Variants in SLC49A4 observed in about 807,000 individuals in gnomAD.
SLC49A4 encodes the protein disrupted in renal cancer protein 2.
In SLC49A4, 36 loss-of-function variants were observed where a neutral mutation model predicts 50.6. That is an observed-to-expected ratio of 0.71 (90% CI 0.55 to 0.94). The LOEUF (loss-of-function observed/expected upper bound fraction) is 0.94, where lower values mean the gene tolerates loss of function less well. Ranked by LOEUF, SLC49A4 falls within the 40% of genes least tolerant of loss-of-function variation. SLC49A4 has a pLI of 0.00. For synonymous variants in SLC49A4, 248 were observed against 241.2 expected (o/e 1.03, Z -0.26); for missense variants, 503 against 605.7 (o/e 0.83, Z 1.78).
At chr3:122,871,238 A>G (rs566729024) in intron 7 of SLC49A4, among the ~76,000 whole-genome samples, 1 of 152,318 alleles carries the variant, frequency 6.6e-6, no homozygotes, top group East Asian at 1.9e-4. Context: ...AATATACTAA[A>G]TATTTTATAA....
chr3:122,879,530 A>G lies in SLC49A4; in HGVS notation c.*152A>G, dbSNP rs144223930. On this transcript the variant is annotated 3_prime_UTR_variant, in exon 9 of 9. Coordinates refer to ENST00000261038, the MANE Select transcript of SLC49A4 (RefSeq NM_032839.3). Reference sequence around the variant, plus strand: ...AGGTTACAGATTATCACATTAATTTAATTACTACTAGGTAATAATAATGGG... The same window carrying G: ...AGGTTACAGATTATCACATTAATTTGATTACTACTAGGTAATAATAATGGG... 1.7e-4 allele frequency: 101 copies of G among 609,814 alleles called. 2 individuals carry two copies. In the Middle Eastern group the frequency reaches 2.3e-3, roughly 14 times the overall value. The allele number at this position is 609,814 out of a possible 1,614,324, so 37.8% of individuals were successfully genotyped here.
chr3:122,862,033 A>G (rs897749539), intron 7 of SLC49A4, among the ~76,000 whole-genome samples: 11 of 152,360 alleles, frequency 7.2e-5, no homozygotes, highest in African/African-American at 2.6e-4. Flanking sequence ...AGTGTGGAAC[A>G]CAAAATGAGG....
chr3:122,803,439 A>C (rs1936162953), intron 1 of SLC49A4, among the ~76,000 whole-genome samples: 1 of 152,250 alleles, frequency 6.6e-6, no homozygotes, highest in Admixed American at 6.5e-5. Context: ...GTATAAAGCC[A>C]TATCAGGATA....
At position 122,795,288 on chromosome 3, in the gene SLC49A4, GGCGGCGGCGGCGCTGCCC is replaced by G. The variant is rs1411705500; in HGVS notation, c.104_121del (p.Ala35_Ala40del). 12 of 1,421,264 alleles carry G rather than the reference GGCGGCGGCGGCGCTGCCC, an allele frequency of 8.4e-6. No individual in the cohort carries two copies. Among genetic ancestry groups the G allele is most frequent in the Non-Finnish European group, 1.1e-5 (12 of 1,100,636 alleles). 88.0% of individuals were successfully genotyped at this position (1,421,264 alleles called of 1,614,324 possible). A position where few individuals can be genotyped will look rare whatever the true frequency, so the allele number is the denominator to read the frequency against. On this transcript the variant is annotated inframe_deletion, in exon 1 of 9. Coordinates refer to ENST00000261038, the MANE Select transcript of SLC49A4 (RefSeq NM_032839.3). ...GGGCCTCCTGGAGAAGCCGGGAGGC[GGCGGCGGCGGCGCTGCCC>G]GCGGCGGTCCCGGGTCCCGGGCGGG... is the stretch of plus-strand genomic sequence containing the variant.
At chr3:122,806,733 G>C in intron 1 of SLC49A4, 124 bp from the exon 2 acceptor site, 2 of 550,868 alleles carry the variant, frequency 3.6e-6, no homozygotes, top group Non-Finnish European at 6.5e-6. Flanking sequence ...CATTTTTAAA[G>C]TTATACAGAA....
At chr3:122,842,618 T>C (rs1432309403) in intron 4 of SLC49A4, among the ~76,000 whole-genome samples, 1 of 151,876 alleles carries the variant, frequency 6.6e-6, no homozygotes, top group Non-Finnish European at 1.5e-5. Flanking sequence ...CGTGAGTCAC[T>C]GAAGGATTTT....
At chr3:122,853,259 C>T (rs529110382) in intron 5 of SLC49A4, among the ~76,000 whole-genome samples, 16 of 152,288 alleles carry the variant, frequency 1.1e-4, no homozygotes, top group Non-Finnish European at 2.1e-4. Flanking sequence ...TTAATTACTT[C>T]CTAAAGGCCC....
chr3:122,813,479 C>CT (rs1185857159), intron 2 of SLC49A4, among the ~76,000 whole-genome samples: 9 of 152,128 alleles, frequency 5.9e-5, no homozygotes, highest in Non-Finnish European at 1.0e-4. Flanking sequence ...TCAGCCCAGA[C>CT]TCCAGAAGTC....
At chr3:122,873,112 GT>G (rs1937216827) in intron 8 of SLC49A4, among the ~76,000 whole-genome samples, 1 of 152,136 alleles carries the variant, frequency 6.6e-6, no homozygotes, top group Non-Finnish European at 1.5e-5. Context: ...GTTTATAGGA[GT>G]GTTTCTGACA....
rs1376301593 is a variant in SLC49A4 at position 122,795,409 on chromosome 3, G to GGTCC, written c.218_221dup (p.Ile75SerfsTer71). Reference sequence around the variant, plus strand: ...TCAGGGCCTGGTCTGGAACACCTGGGGTCCCATCCAGAACTCGGCGCGCCA... The same window carrying GGTCC: ...TCAGGGCCTGGTCTGGAACACCTGGGGTCCGTCCCATCCAGAACTCGGCGCGCCA... On this transcript the variant is annotated frameshift_variant, in exon 1 of 9. Coordinates refer to ENST00000261038, the MANE Select transcript of SLC49A4 (RefSeq NM_032839.3). LOFTEE classifies it high-confidence loss of function. 11 of 1,607,446 alleles carry GGTCC rather than the reference G, an allele frequency of 6.8e-6. No homozygotes were observed. Among genetic ancestry groups the GGTCC allele is most frequent in the Non-Finnish European group, 8.5e-6 (10 of 1,178,874 alleles).
At chr3:122,866,052 GA>G (rs1937114877) in intron 7 of SLC49A4, among the ~76,000 whole-genome samples, 3 of 151,698 alleles carry the variant, frequency 2.0e-5, no homozygotes, top group Non-Finnish European at 1.5e-5. Flanking sequence ...TTTTTCTTCT[GA>G]AACAGTCTCA....
At chr3:122,859,033 A>G (rs1241192756) in intron 6 of SLC49A4, among the ~76,000 whole-genome samples, 2 of 152,364 alleles carry the variant, frequency 1.3e-5, no homozygotes, top group Non-Finnish European at 1.5e-5. Context: ...GAAGTTTACA[A>G]TCTGGTAGGG....
chr3:122,833,940 A>G (rs1373643364), intron 4 of SLC49A4, among the ~76,000 whole-genome samples: 6 of 152,180 alleles, frequency 3.9e-5, no homozygotes, highest in South Asian at 4.1e-4. Context: ...GAGCAGTAGG[A>G]TCATACTTTA....
At chr3:122,868,338 A>C (rs16833607) in intron 7 of SLC49A4, among the ~76,000 whole-genome samples, 2,902 of 152,250 alleles carry the variant, frequency 0.019, 70 homozygotes, top group African/African-American at 0.066. Context: ...TATTAGAAAA[A>C]AAACTGCATC....
intron 2 of SLC49A4, among the ~76,000 whole-genome samples, chr3:122,807,237 TAG>T (rs1936233137): frequency 7.2e-6 from 1 of 139,524 alleles, no homozygotes. Flanking sequence ...TATATATATA[TAG>T]TGTAGTTAAT....
chr3:122,867,838 G>A (rs1237872453), intron 7 of SLC49A4, among the ~76,000 whole-genome samples: 3 of 148,762 alleles, frequency 2.0e-5, no homozygotes, highest in East Asian at 2.0e-4. Flanking sequence ...AAAATTAGCC[G>A]GGCATGGTGG....
In SLC49A4 at chr3:122,832,698, T is replaced by C. The variant is rs985084651; in HGVS notation, c.704-619T>C. ...AAGGTACTGTTGGCTTTTAATGTTT[T>C]CTCCATAAGACAACATTTGTTTACT... On this transcript the variant is annotated intron_variant, in intron 3 of 8. Transcript: ENST00000261038. 3.9e-5 allele frequency among the ~76,000 whole-genome samples: 6 copies of C among 152,340 alleles called. 1 individual carries two copies. In the South Asian group the frequency reaches 1.2e-3, roughly 32 times the overall value.
intron 6 of SLC49A4, among the ~76,000 whole-genome samples, chr3:122,858,820 G>A (rs7647458): frequency 0.095 from 14,499 of 152,098 alleles, 768 homozygotes; most frequent in East Asian, 0.14. Context: ...GATTGTGCCC[G>A]TACAATCAAC....
intron 5 of SLC49A4, among the ~76,000 whole-genome samples, chr3:122,852,489 G>A (rs193235031): frequency 1.4e-3 from 210 of 152,276 alleles, no homozygotes; most frequent in African/African-American, 4.6e-3. Context: ...TTGATTGAGT[G>A]CTAGACATAG....
Sources: allele counts gnomAD v4.1 joint callset (sites outside exome capture counted in the v4.1 genomes callset), GRCh38; gene constraint gnomAD v4.1.1; transcripts MANE v1.5; gene names NCBI Gene and HGNC (gene_info 2026-07-23, HGNC 2026-07-21).